The following RBM7 variants were observed in gnomAD, a reference collection of about 807,000 sequenced individuals.
The protein encoded by RBM7 is RNA-binding protein 7.
In RBM7, 13 loss-of-function variants were observed where a neutral mutation model predicts 31.0. That is an observed-to-expected ratio of 0.42 (90% CI 0.27 to 0.67). The LOEUF is 0.67. RBM7 is among the 30% of genes least tolerant of loss of function. The probability of loss-of-function intolerance (pLI) is 0.24; values close to 1 mark genes in which losing one functional copy is unlikely to be tolerated. For missense variants in RBM7, 245 were observed against 326.2 expected, an observed-to-expected ratio of 0.75 and a Z score of 1.92; for synonymous variants, 106 against 111.2, an observed-to-expected ratio of 0.95 and a Z score of 0.30.
intron 2 of RBM7, among the ~76,000 whole-genome samples, chr11:114,402,557 C>T (rs1430670198): frequency 6.6e-6 from 1 of 151,550 alleles, no homozygotes; most frequent in African/African-American, 2.4e-5. Context: ...GTGCACGCCA[C>T]CACGCCTGGC....
Position 114,407,732 on chromosome 11 carries a change from T to C in RBM7, c.729T>C (p.His243=), listed in dbSNP as rs754434748. ...ATTTCTTCTATGAAGACAGGAATCA[T>C]GATGACTGGAGCCATGACTATGATA... ...RDDFFYEDRN[H]DDWSHDYDNR... The change falls in exon 5 of 5, where the codon CAT becomes CAC. Residue 243 remains histidine, a synonymous_variant. Transcript: ENST00000375490. 2 of 1,613,800 alleles carry C rather than the reference T, an allele frequency of 1.2e-6. No individual in the cohort carries two copies. Among genetic ancestry groups the C allele is most frequent in the Non-Finnish European group, 1.7e-6 (2 of 1,179,956 alleles).
chr11:114,400,984 G>A (rs995743413), intron 1 of RBM7, among the ~76,000 whole-genome samples: 4 of 152,130 alleles, frequency 2.6e-5, no homozygotes, highest in East Asian at 1.9e-4. Flanking sequence ...AGGTGGTGGA[G>A]GGATCCTCGA....
intron 2 of RBM7, chr11:114,402,068 G>A: frequency 2.0e-6 from 1 of 494,488 alleles, no homozygotes. Flanking sequence ...TGAGCTTAAA[G>A]TTTCATTTTG....
chr11:114,404,758 T>G (rs1367876760), intron 3 of RBM7, among the ~76,000 whole-genome samples: 1 of 152,068 alleles, frequency 6.6e-6, no homozygotes, highest in Non-Finnish European at 1.5e-5. Flanking sequence ...ATTTTTATAC[T>G]ATAAACTAAA....
At position 114,409,202 on chromosome 11, in the gene RBM7, A is replaced by G. The variant is rs1029464121; in HGVS notation, c.*1395A>G. On this transcript the variant is annotated 3_prime_UTR_variant, in exon 5 of 5. Transcript: ENST00000375490. ...AATGAATTCAGTTTTTCTGTTTCTA[A>G]GTAAATGTAGCTATTCAACTACTCA... 2.6e-5 allele frequency: 4 copies of G among 152,122 alleles called. No individual in the cohort carries two copies. Among genetic ancestry groups the G allele is most frequent in the Non-Finnish European group, 4.4e-5 (3 of 68,020 alleles). 9.4% of individuals were successfully genotyped at this position (152,122 alleles called of 1,614,324 possible). A position where few individuals can be genotyped will look rare whatever the true frequency, so the allele number is the denominator to read the frequency against.
chr11:114,402,475 C>T (rs1319631324), intron 2 of RBM7, among the ~76,000 whole-genome samples: 1 of 135,980 alleles, frequency 7.4e-6, no homozygotes, highest in Non-Finnish European at 1.5e-5. Flanking sequence ...GCAATTTCAG[C>T]TCACTGCAAC....
At position 114,409,252 on chromosome 11, in the gene RBM7, G is replaced by T. The variant is rs1294321707; in HGVS notation, c.*1445G>T. On this transcript the variant is annotated 3_prime_UTR_variant, in exon 5 of 5. Transcript: ENST00000375490. ...ACTATAGAATTAAGATAAACAATTT[G>T]TTTGCTTAAGCATTTTCACAGAATT... 2 of 152,112 alleles carry T rather than the reference G, an allele frequency of 1.3e-5. No individual in the cohort carries two copies. The highest frequency in any genetic ancestry group is 1.5e-5 in the Non-Finnish European group (1 of 67,968). 9.4% of individuals were successfully genotyped at this position (152,112 alleles called of 1,614,324 possible).
In RBM7 at chr11:114,407,695, G is replaced by A; in HGVS notation, c.692G>A (p.Gly231Glu). 1 of 1,614,184 alleles carries A rather than the reference G, an allele frequency of 6.2e-7. No homozygotes were observed. ...CATGGGTCTGACCATCATTACAGAG[G>A]AAAGAGAGATGATTTCTTCTATGAA... is the stretch of plus-strand genomic sequence containing the variant. Reference protein sequence around the residue: ...TDHGSDHHYRGKRDDFFYEDR... With the variant: ...TDHGSDHHYREKRDDFFYEDR... The change falls in exon 5 of 5, where the codon GGA becomes GAA. Residue 231 changes from glycine to glutamate, a missense_variant. Physicochemically the swap from Gly to Glu is moderately conservative, Grantham distance 98 (BLOSUM62 -2). Coordinates refer to ENST00000375490, the MANE Select transcript of RBM7 (RefSeq NM_001286045.2).
At position 114,400,695 on chromosome 11, in the gene RBM7, G is replaced by A. The variant is rs1282261100; in HGVS notation, c.24G>A (p.Ala8=). The change falls in exon 1 of 5, where the codon GCG becomes GCA. Residue 8 remains alanine (A), a synonymous_variant. Transcript: ENST00000375490. The stretch of plus-strand genomic sequence containing the variant: ...AGATGGGGGCGGCGGCGGCGGAAGC[G>A]GATCGCACTCTCTTTGTGGGCAACC... MGAAAAE[A]DRTLFVGNLE... The A allele has an allele frequency of 1.9e-6, 3 of 1,614,084 alleles. No individual in the cohort carries two copies. Among genetic ancestry groups the A allele is most frequent in the East Asian group, 4.5e-5 (2 of 44,882 alleles).
At position 114,409,543 on chromosome 11, in the gene RBM7, A is replaced by G. The variant is rs1478557294; in HGVS notation, c.*1736A>G. On this transcript the variant is annotated 3_prime_UTR_variant, in exon 5 of 5. Coordinates refer to ENST00000375490, the MANE Select transcript of RBM7 (RefSeq NM_001286045.2). ...ACCACCACGCCTGGCTAGTTTTTGTATTTTTAGTAGAGATGGGGTTTCACC... is the reference window on the plus strand; with the variant it reads ...ACCACCACGCCTGGCTAGTTTTTGTGTTTTTAGTAGAGATGGGGTTTCACC... 3 of 151,896 alleles carry G rather than the reference A, an allele frequency of 2.0e-5. No individual in the cohort carries two copies. The highest frequency in any genetic ancestry group is 4.8e-5 in the African/African-American group (2 of 41,326). 9.4% of individuals were successfully genotyped at this position (151,896 alleles called of 1,614,324 possible).
At chr11:114,402,435 G>T (rs1946217749) in intron 2 of RBM7, among the ~76,000 whole-genome samples, 1 of 101,148 alleles carries the variant, frequency 9.9e-6, no homozygotes, top group Non-Finnish European at 1.8e-5. Context: ...ATGGAGTCTT[G>T]CCCTGTTGCC....
In RBM7 at chr11:114,405,691, T is replaced by C; in HGVS notation, c.348-15T>C. 1.3e-6 allele frequency: 2 copies of C among 1,517,278 alleles called. No homozygotes were observed. The highest frequency in any genetic ancestry group is 1.8e-6 in the Non-Finnish European group (2 of 1,114,824). The allele number at this position is 1,517,278 out of a possible 1,614,324, so 94.0% of individuals were successfully genotyped here. ...ATTTATTGAATGAATGGTTACATGT[T>C]GGTTTTCTTTTTAGCAGGTACGAAA... On this transcript the variant is annotated splice_polypyrimidine_tract_variant and intron_variant, in intron 3 of 4. Coordinates refer to ENST00000375490, the MANE Select transcript of RBM7 (RefSeq NM_001286045.2).
chr11:114,404,584 T>A (rs916244448), intron 3 of RBM7, among the ~76,000 whole-genome samples: 2 of 152,054 alleles, frequency 1.3e-5, no homozygotes, highest in Non-Finnish European at 2.9e-5. Context: ...ATTCGTATAG[T>A]CCCAGCTACT....
Position 114,407,841 on chromosome 11 carries a change from A to G in RBM7, c.*34A>G, listed in dbSNP as rs555698382. ...AAAAGGACATTGTTTTTATAGGGTC[A>G]TTTTAGGCCCTTTGACTAAGTTGAT... On this transcript the variant is annotated 3_prime_UTR_variant, in exon 5 of 5. Transcript: ENST00000375490. 1.0e-5 allele frequency: 16 copies of G among 1,547,922 alleles called. No individual in the cohort carries two copies. The Admixed American group carries it at 1.7e-4, about 16-fold the overall frequency.
At chr11:114,405,830 CA>C (rs58728682) in intron 4 of RBM7, 31 bp downstream of exon 4, 427 of 1,315,236 alleles carry the variant, frequency 3.2e-4, no homozygotes, top group South Asian at 4.4e-4. Context: ...CTTGAATTGC[CA>C]AAAAAAAATC....
chr11:114,405,965 A>AT (rs1193353022), intron 4 of RBM7, 166 bp downstream of exon 4: 4 of 521,328 alleles, frequency 7.7e-6, no homozygotes, highest in Non-Finnish European at 3.3e-6. Flanking sequence ...TTTTTCTCAA[A>AT]TTTTTGTTAG....
chr11:114,405,805 T>C lies in RBM7; in HGVS notation c.441+6T>C, dbSNP rs201941823. The C allele has an allele frequency of 3.2e-5, 49 of 1,548,484 alleles. 1 individual carries two copies. The East Asian group carries it at 3.2e-4, about 10-fold the overall frequency. On this transcript the variant is annotated splice_donor_region_variant and intron_variant, in intron 4 of 4. Coordinates refer to ENST00000375490, the MANE Select transcript of RBM7 (RefSeq NM_001286045.2). Reference sequence around the variant, plus strand: ...ATTTTCAGAGACAAGCAGTGGTAGGTTGACTATTTTTCAACTTGAATTGCC... The same window carrying C: ...ATTTTCAGAGACAAGCAGTGGTAGGCTGACTATTTTTCAACTTGAATTGCC...
chr11:114,405,592 G>A (rs1218767969), intron 3 of RBM7, 114 bp from the exon 4 acceptor site: 4 of 557,374 alleles, frequency 7.2e-6, no homozygotes, highest in African/African-American at 2.0e-5. Context: ...CTGCATGAGA[G>A]CAGATACCTT....
At position 114,409,623 on chromosome 11, in the gene RBM7, C is replaced by A. The variant is rs1200885060; in HGVS notation, c.*1816C>A. On this transcript the variant is annotated 3_prime_UTR_variant, in exon 5 of 5. Coordinates refer to ENST00000375490, the MANE Select transcript of RBM7 (RefSeq NM_001286045.2). ...ACCTCAAGTGATCCACCTACCTTGG[C>A]CTACCGAGGTGCTGGAATTACAGGT... 6.6e-6 allele frequency: 1 copy of A among 152,280 alleles called. No homozygotes were observed. Among genetic ancestry groups the A allele is most frequent in the African/African-American group, 2.4e-5 (1 of 41,420 alleles). 9.4% of individuals were successfully genotyped at this position (152,280 alleles called of 1,614,324 possible).
Sources: gnomAD v4.1 joint callset for allele counts (sites outside exome capture counted in the v4.1 genomes callset) on GRCh38, gnomAD v4.1.1 for gene constraint, MANE v1.5 for transcripts, NCBI Gene and HGNC (gene_info 2026-07-23, HGNC 2026-07-21) for gene names.